The following COPS2 variants were observed in gnomAD, a reference collection of about 807,000 sequenced individuals.
COPS2 encodes COP9 signalosome subunit 2, also known as COP9 signalosome complex subunit 2.
In COPS2, 10 loss-of-function variants were observed where a neutral mutation model predicts 66.1. That is an observed-to-expected ratio of 0.15 (90% CI 0.09 to 0.26). The LOEUF (loss-of-function observed/expected upper bound fraction) is 0.26. COPS2 is among the 10% of genes least tolerant of loss of function. COPS2 has a pLI of 1.00. For synonymous variants in COPS2, 179 were observed against 171.3 expected (o/e 1.04, Z -0.35); for missense variants, 215 against 513.3 (o/e 0.42, Z 5.62).
At chr15:49,154,362 T>C (rs1234522013) in intron 1 of COPS2, among the ~76,000 whole-genome samples, 1 of 152,186 alleles carries the variant, frequency 6.6e-6, no homozygotes, top group Non-Finnish European at 1.5e-5. Flanking sequence ...ACTTTAAAAA[T>C]TATAAAAATC....
Position 49,128,734 on chromosome 15 carries a change from C to T in COPS2, c.1155G>A (p.Val385=). Residue 385 remains valine (V), a synonymous_variant, in exon 12 of 13, where the codon GTG becomes GTA. Coordinates refer to ENST00000388901, the MANE Select transcript of COPS2 (RefSeq NM_004236.4). ...SKELNIDVAD[V]ESLLVQCILD... is the part of the protein sequence containing the mutation. ...ATATGCACTGCACCAGCAAGCTCTC[C>T]ACATCAGCTACATCTATGTTTAACT... is the stretch of plus-strand genomic sequence containing the variant. 1 of 1,609,116 alleles carries T rather than the reference C, an allele frequency of 6.2e-7. No homozygotes were observed.
chr15:49,142,602 C>T (rs2084296175), intron 3 of COPS2, among the ~76,000 whole-genome samples: 1 of 152,188 alleles, frequency 6.6e-6, no homozygotes, highest in Non-Finnish European at 1.5e-5. Flanking sequence ...TGCTTCACTC[C>T]CTGCTCATCT....
chr15:49,144,100 G>A, intron 3 of COPS2, 127 bp downstream of exon 3: 2 of 689,768 alleles, frequency 2.9e-6, no homozygotes, highest in Non-Finnish European at 5.1e-6. Flanking sequence ...CCCAACTGCA[G>A]AGCAGACTAA....
intron 10 of COPS2, 119 bp downstream of exon 10, chr15:49,130,600 T>A (rs1277164461): frequency 1.8e-6 from 1 of 561,658 alleles, no homozygotes; most frequent in African/African-American, 1.9e-5. Context: ...TTTAGAAACA[T>A]ATCTATACTT....
chr15:49,154,574 G>A (rs1288802757), intron 1 of COPS2, among the ~76,000 whole-genome samples: 1 of 152,132 alleles, frequency 6.6e-6, no homozygotes, highest in Non-Finnish European at 1.5e-5. Flanking sequence ...TTATGATAAT[G>A]CAGCATCACC....
At chr15:49,134,629 A>T (rs2084237735) in intron 6 of COPS2, 115 bp from the exon 7 acceptor site, 1 of 839,512 alleles carries the variant, frequency 1.2e-6, no homozygotes, top group Admixed American at 3.0e-5. Context: ...AACACAACAC[A>T]AATTTTAATT....
chr15:49,143,972 C>CA lies in COPS2; in HGVS notation c.246+254_246+255insT, dbSNP rs1555392390. Reference sequence around the variant, plus strand: ...TTGCACTCCAGCCTGGGTGACAGAGCGGGGGAAAAAAAAAAAAGGCAAATA... The same window carrying CA: ...TTGCACTCCAGCCTGGGTGACAGAGCAGGGGGAAAAAAAAAAAAGGCAAATA... On this transcript the variant is annotated intron_variant, in intron 3 of 12. Coordinates refer to ENST00000388901, the MANE Select transcript of COPS2 (RefSeq NM_004236.4). Among the ~76,000 whole-genome samples, 657 of 114,034 alleles carry CA rather than the reference C, an allele frequency of 5.8e-3. 9 individuals carry two copies. Among genetic ancestry groups the CA allele is most frequent in the African/African-American group, 0.022 (617 of 27,890 alleles). The allele number at this position is 114,034 out of a possible 152,430, so 74.8% of individuals were successfully genotyped here.
At position 49,126,186 on chromosome 15, in the gene COPS2, T is replaced by A. The variant is rs900146721; in HGVS notation, c.*1764A>T. 6.6e-6 allele frequency: 1 copy of A among 152,508 alleles called. No homozygotes were observed. The highest frequency in any genetic ancestry group is 1.5e-5 in the Non-Finnish European group (1 of 67,950). The allele number at this position is 152,508 out of a possible 1,614,324, so 9.4% of individuals were successfully genotyped here. The stretch of plus-strand genomic sequence containing the variant: ...AGAGAAAATACACATAATTTTATAA[T>A]ATCTTAAACTTTTATTCCCTACCAT... On this transcript the variant is annotated 3_prime_UTR_variant, in exon 13 of 13. Coordinates refer to ENST00000388901, the MANE Select transcript of COPS2 (RefSeq NM_004236.4).
At chr15:49,133,026 T>A (rs912882628) in intron 9 of COPS2, among the ~76,000 whole-genome samples, 89 of 148,692 alleles carry the variant, frequency 6.0e-4, no homozygotes, top group Non-Finnish European at 1.1e-3. Context: ...TCTTGCTCTA[T>A]CGCCCAGGCT....
intron 3 of COPS2, among the ~76,000 whole-genome samples, chr15:49,142,870 T>C (rs894834355): frequency 1.3e-5 from 2 of 151,390 alleles, no homozygotes; most frequent in Non-Finnish European, 1.5e-5. Context: ...GTTCTAAGAT[T>C]ATAACAACGA....
At position 49,125,767 on chromosome 15, in the gene COPS2, T is replaced by C. The variant is rs1021560405; in HGVS notation, c.*2183A>G. On this transcript the variant is annotated 3_prime_UTR_variant, in exon 13 of 13. Coordinates refer to ENST00000388901, the MANE Select transcript of COPS2 (RefSeq NM_004236.4). ...TAAACAAAGCTATGTAATACACAAT[T>C]ACAATAAATTATTATGGTATAACTT... is the stretch of plus-strand genomic sequence containing the variant. The C allele has an allele frequency of 6.6e-6, 1 of 152,104 alleles. No homozygotes were observed. Among genetic ancestry groups the C allele is most frequent in the Admixed American group, 6.5e-5 (1 of 15,270 alleles). The allele number at this position is 152,104 out of a possible 1,614,324, so 9.4% of individuals were successfully genotyped here. A position where few individuals can be genotyped will look rare whatever the true frequency, so the allele number is the denominator to read the frequency against.
At chr15:49,134,614 G>A in intron 6 of COPS2, 100 bp from the exon 7 acceptor site, 1 of 971,466 alleles carries the variant, frequency 1.0e-6, no homozygotes, top group East Asian at 2.6e-5. Flanking sequence ...CTATTTCCAT[G>A]TGAAAACACA....
chr15:49,149,585 G>A (rs990119694), intron 1 of COPS2, among the ~76,000 whole-genome samples: 3 of 152,278 alleles, frequency 2.0e-5, no homozygotes, highest in Admixed American at 2.0e-4. Flanking sequence ...AGTGTTTGGT[G>A]AGTTAAAATA....
At chr15:49,128,596 A>AGGG in intron 12 of COPS2, 106 bp downstream of exon 12, 1 of 735,210 alleles carries the variant, frequency 1.4e-6, no homozygotes. Flanking sequence ...ACCATACCCA[A>AGGG]GGGTGCTTTT....
intron 3 of COPS2, among the ~76,000 whole-genome samples, chr15:49,141,905 G>C (rs993821723): frequency 1.3e-5 from 2 of 152,284 alleles, no homozygotes; most frequent in South Asian, 4.1e-4. Context: ...AAATGGACTC[G>C]AAACCACTGC....
At chr15:49,148,060 G>A (rs2084333578) in intron 1 of COPS2, among the ~76,000 whole-genome samples, 1 of 152,088 alleles carries the variant, frequency 6.6e-6, no homozygotes, top group African/African-American at 2.4e-5. Flanking sequence ...ATCACAAGCT[G>A]TGCACTACTG....
intron 3 of COPS2, among the ~76,000 whole-genome samples, chr15:49,143,337 G>A (rs562010584): frequency 6.6e-6 from 1 of 152,284 alleles, no homozygotes; most frequent in South Asian, 2.1e-4. Context: ...GCAAAAGAAT[G>A]GCATAATCTG....
chr15:49,142,682 G>C (rs954895677), intron 3 of COPS2, among the ~76,000 whole-genome samples: 8 of 152,100 alleles, frequency 5.3e-5, no homozygotes, highest in African/African-American at 1.9e-4. Context: ...TTTGTACCTA[G>C]TCCTATCATC....
In COPS2 at chr15:49,134,408, G is replaced by C. The variant is rs1167693947; in HGVS notation, c.647C>G (p.Ala216Gly). 6.2e-7 allele frequency: 1 copy of C among 1,613,544 alleles called. No individual in the cohort carries two copies. Among genetic ancestry groups the C allele is most frequent in the East Asian group, 2.2e-5 (1 of 44,858 alleles). The change falls in exon 7 of 13, where the codon GCA becomes GGA. Residue 216 changes from alanine to glycine, a missense_variant. This residue lies in a region of COPS2 where 90 missense variants were observed against 225.1 expected (regional missense o/e 0.40). Transcript: ENST00000388901. ...GATGTGAAGTGACTGTTCATAGAGT[G>C]CTTTAAGTTTTTTGTTATTTTTCTG... ...TAQKNNKKLK[A>G]LYEQSLHIKS...
Sources: allele counts gnomAD v4.1 joint callset (sites outside exome capture counted in the v4.1 genomes callset), GRCh38; gene constraint gnomAD v4.1.1; regional missense constraint gnomAD v4.1.1; transcripts MANE v1.5; gene names NCBI Gene and HGNC (gene_info 2026-07-23, HGNC 2026-07-21).